ZFHX3: variants seen among roughly 807,000 people sequenced by gnomAD.
ZFHX3 encodes zinc finger homeobox protein 3.
In ZFHX3, 42 loss-of-function variants were observed where a neutral mutation model predicts 279.1. That is an observed-to-expected ratio of 0.15 (90% CI 0.12 to 0.19). ZFHX3 has a LOEUF of 0.19. Ranked by LOEUF, ZFHX3 falls within the 10% of genes least tolerant of loss-of-function variation. ZFHX3 has a pLI of 1.00. For synonymous variants in ZFHX3, 2,293 were observed against 1,957.8 expected (o/e 1.17, Z -4.52); for missense variants, 4,981 against 4,754.0 (o/e 1.05, Z -1.40).
chr16:73,698,364 T>C (rs894173760), intron 1 of ZFHX3, among the ~76,000 whole-genome samples: 4 of 152,076 alleles, frequency 2.6e-5, no homozygotes, highest in Non-Finnish European at 5.9e-5. Flanking sequence ...TAGAACACCA[T>C]AGTAAGAATT....
chr16:73,228,137 G>A (rs979969918), intron 5 of ZFHX3, among the ~76,000 whole-genome samples: 2 of 152,114 alleles, frequency 1.3e-5, no homozygotes, highest in Non-Finnish European at 2.9e-5. Flanking sequence ...TAGCCATCAT[G>A]CTTTTTGGAG....
intron 1 of ZFHX3, among the ~76,000 whole-genome samples, chr16:73,747,531 C>T (rs575898184): frequency 6.6e-6 from 1 of 152,140 alleles, no homozygotes; most frequent in Admixed American, 6.6e-5. Context: ...TGCAGCAGAA[C>T]CTAGCATACC....
chr16:73,530,156 T>TG lies in ZFHX3; in HGVS notation c.-1546-73899dup, dbSNP rs1157760958. Among the ~76,000 whole-genome samples, 5 of 152,122 alleles carry TG rather than the reference T, an allele frequency of 3.3e-5. No individual in the cohort carries two copies. In the South Asian group the frequency reaches 1.0e-3, roughly 32 times the overall value. On this transcript the variant is annotated intron_variant, in intron 2 of 17. Coordinates refer to the ZFHX3 transcript ENST00000641206. Reference sequence around the variant, plus strand: ...TGGAAGGCAAAAGTCACGTCTTACATGGTGGCAGGCAAGAGAGAGAATGAG... The same window carrying TG: ...TGGAAGGCAAAAGTCACGTCTTACATGGGTGGCAGGCAAGAGAGAGAATGAG...
At chr16:72,908,091 G>A (rs548446722) in intron 3 of ZFHX3, among the ~76,000 whole-genome samples, 15 of 152,290 alleles carry the variant, frequency 9.8e-5, no homozygotes, top group African/African-American at 3.6e-4. Context: ...CTCTCAGCAC[G>A]GCTATGGGCA....
chr16:73,807,835 C>CT (rs1291317392), intron 1 of ZFHX3, among the ~76,000 whole-genome samples: 2 of 151,500 alleles, frequency 1.3e-5, no homozygotes, highest in African/African-American at 2.4e-5. Flanking sequence ...ACTCTAATGT[C>CT]TTTTTTTTCC....
At chr16:73,759,890 A>G (rs1019888523) in intron 1 of ZFHX3, among the ~76,000 whole-genome samples, 1 of 152,048 alleles carries the variant, frequency 6.6e-6, no homozygotes, top group Non-Finnish European at 1.5e-5. Context: ...GAAAAAAAAA[A>G]AAAGTAGAAA....
intron 2 of ZFHX3, among the ~76,000 whole-genome samples, chr16:73,633,897 C>CA (rs969682946): frequency 0.041 from 4,758 of 114,696 alleles, 237 homozygotes; most frequent in African/African-American, 0.14. Context: ...GACTCCATCA[C>CA]AAAAAAAAAA....
chr16:73,687,531 A>G (rs958331277), intron 1 of ZFHX3, among the ~76,000 whole-genome samples: 3 of 152,130 alleles, frequency 2.0e-5, no homozygotes, highest in Non-Finnish European at 4.4e-5. Context: ...AAATGCCATC[A>G]TTAGCATCCT....
intron 4 of ZFHX3, among the ~76,000 whole-genome samples, chr16:73,309,169 T>C (rs1027676177): frequency 5.9e-5 from 9 of 152,168 alleles, no homozygotes; most frequent in Admixed American, 4.6e-4. Context: ...TGGACTATTT[T>C]GTCATCTGAG....
chr16:73,603,110 C>G (rs185612863), intron 2 of ZFHX3, among the ~76,000 whole-genome samples: 2 of 151,896 alleles, frequency 1.3e-5, no homozygotes, highest in South Asian at 2.1e-4. Context: ...ACGGTAAAAC[C>G]TGTCTCTACT....
At chr16:73,293,076 C>A (rs956733905) in intron 4 of ZFHX3, among the ~76,000 whole-genome samples, 1 of 152,162 alleles carries the variant, frequency 6.6e-6, no homozygotes, top group Non-Finnish European at 1.5e-5. Context: ...AAGGTAGAAC[C>A]ACCTTCAAAC....
At chr16:72,877,313 T>C (rs952028295) in intron 4 of ZFHX3, among the ~76,000 whole-genome samples, 8 of 152,180 alleles carry the variant, frequency 5.3e-5, no homozygotes, top group African/African-American at 1.9e-4. Context: ...CTCGCAGCGC[T>C]GGGGCCACCA....
Position 73,866,299 on chromosome 16 carries a change from C to T in ZFHX3, c.-1608+25352G>A, listed in dbSNP as rs73603569. Among the ~76,000 whole-genome samples the T allele has an allele frequency of 5.4e-3, 811 of 149,964 alleles. 9 individuals are homozygous for T. The highest frequency in any genetic ancestry group is 0.019 in the African/African-American group (786 of 40,894). On this transcript the variant is annotated intron_variant, in intron 1 of 17. Transcript: ENST00000641206. Reference sequence around the variant, plus strand: ...GGTTCAAGGGATTCTCCTGCCTCAGCTCTCTAGTAGTTGGGATTACAGGTG... The same window carrying T: ...GGTTCAAGGGATTCTCCTGCCTCAGTTCTCTAGTAGTTGGGATTACAGGTG...
At chr16:72,842,329 C>T (rs570118783) in intron 4 of ZFHX3, among the ~76,000 whole-genome samples, 3 of 152,204 alleles carry the variant, frequency 2.0e-5, no homozygotes, top group East Asian at 3.9e-4. Context: ...GCAATCTTCC[C>T]GCCTCAGCCT....
chr16:73,383,070 C>T (rs1187605617), intron 3 of ZFHX3, among the ~76,000 whole-genome samples: 1 of 152,226 alleles, frequency 6.6e-6, no homozygotes, highest in East Asian at 1.9e-4. Context: ...CATGCTTGGC[C>T]GCTCTCCACA....
intron 2 of ZFHX3, among the ~76,000 whole-genome samples, chr16:73,652,724 G>A (rs1264855939): frequency 6.6e-6 from 1 of 152,054 alleles, no homozygotes; most frequent in African/African-American, 2.4e-5. Flanking sequence ...GTATTGATTA[G>A]CTTTAGATTT....
intron 3 of ZFHX3, among the ~76,000 whole-genome samples, chr16:73,394,448 A>C (rs2017086613): frequency 6.6e-6 from 1 of 151,936 alleles, no homozygotes. Flanking sequence ...GGTGCCCCCT[A>C]CCACGCCCAG....
At chr16:73,250,959 G>C (rs779310820) in intron 5 of ZFHX3, among the ~76,000 whole-genome samples, 9 of 151,422 alleles carry the variant, frequency 5.9e-5, no homozygotes, top group Non-Finnish European at 1.0e-4. Flanking sequence ...TACTATCTTT[G>C]CCAGCTCCTG....
chr16:73,131,628 G>A (rs771322134), intron 6 of ZFHX3, among the ~76,000 whole-genome samples: 1 of 152,198 alleles, frequency 6.6e-6, no homozygotes, highest in African/African-American at 2.4e-5. Context: ...CCAGAGGAGA[G>A]GGCGAAAGCA....
Sources: allele counts gnomAD v4.1 joint callset (sites outside exome capture counted in the v4.1 genomes callset), GRCh38; gene constraint gnomAD v4.1.1; transcripts MANE v1.5; gene names NCBI Gene and HGNC (gene_info 2026-07-23, HGNC 2026-07-21).